DOT1L: variants seen among roughly 807,000 people sequenced by gnomAD.
DOT1L encodes the protein DOT1 like histone lysine methyltransferase.
In DOT1L, 33 loss-of-function variants were observed where a neutral mutation model predicts 153.3. The observed-to-expected ratio is 0.22, with a 90% CI of 0.16 to 0.29. The LOEUF (loss-of-function observed/expected upper bound fraction) is 0.29. Ranked by LOEUF, DOT1L falls within the 10% of genes least tolerant of loss-of-function variation. The pLI is 1.00. For missense variants in DOT1L, 1,847 were observed against 2,119.9 expected (o/e 0.87, Z 2.53); for synonymous variants, 1,135 against 965.1 (o/e 1.18, Z -3.26).
intron 3 of DOT1L, among the ~76,000 whole-genome samples, chr19:2,187,980 AG>A (rs1367742640): frequency 5.9e-4 from 89 of 150,408 alleles, no homozygotes; most frequent in African/African-American, 1.8e-3. Flanking sequence ...GCTCCTCTGG[AG>A]CTGCGGGGAA....
rs748258342 is a variant in DOT1L at position 2,214,001 on chromosome 19, G to A, written c.1797+15G>A. On this transcript the variant is annotated intron_variant, in intron 18 of 27. Transcript: ENST00000398665. ...GCTTGCAGCTGGTGGGTGCCGCGGC[G>A]CAAGGACAGGGACGTGGAACCAGAG... is the stretch of plus-strand genomic sequence containing the variant. 11 of 1,610,392 alleles carry A rather than the reference G, an allele frequency of 6.8e-6. No homozygotes were observed. The highest frequency in any genetic ancestry group is 6.7e-5 in the East Asian group (3 of 44,782).
At position 2,185,842 on chromosome 19, in the gene DOT1L, T is replaced by G; in HGVS notation, c.126-13T>G. 1 of 1,613,836 alleles carries G rather than the reference T, an allele frequency of 6.2e-7. No individual in the cohort carries two copies. Among genetic ancestry groups the G allele is most frequent in the Non-Finnish European group, 8.5e-7 (1 of 1,179,774 alleles). ...CCAAACCCTTCCTGATCGTTTCTGC[T>G]GCTGTGTTTCAGATGGGTCTGTGAA... On this transcript the variant is annotated splice_polypyrimidine_tract_variant and intron_variant, in intron 2 of 27. Transcript: ENST00000398665.
intron 17 of DOT1L, 31 bp from the exon 18 acceptor site, chr19:2,213,818 G>A (rs1322224475): frequency 1.9e-6 from 3 of 1,612,210 alleles, no homozygotes; most frequent in Non-Finnish European, 2.5e-6. Context: ...GAGGCCACCA[G>A]CATGACCTCT....
At chr19:2,200,008 C>T (rs928350083) in intron 8 of DOT1L, 69 bp downstream of exon 8, 75 of 1,579,742 alleles carry the variant, frequency 4.7e-5, no homozygotes, top group East Asian at 6.8e-5. Context: ...GCCATGGCAC[C>T]GGGGACCGGG....
chr19:2,229,093 G>A, intron 27 of DOT1L: 4 of 985,474 alleles, frequency 4.1e-6, no homozygotes, highest in Non-Finnish European at 4.8e-6. Context: ...TCAGCACCAA[G>A]CTGGGCAGGT....
chr19:2,206,668 G>A (rs1020698386), intron 9 of DOT1L, 61 bp from the exon 10 acceptor site: 19 of 1,538,888 alleles, frequency 1.2e-5, no homozygotes, highest in Admixed American at 1.2e-4. Context: ...GTCACCTTGA[G>A]TGGTGTCTGC....
rs796228728 is a variant in DOT1L, at chr19:2,222,882, CA to C, written c.3390+332del. On this transcript the variant is annotated intron_variant, in intron 24 of 27. Coordinates refer to ENST00000398665, the MANE Select transcript of DOT1L (RefSeq NM_032482.3). This position sits in a 1 kb window ranked among gnomAD's most constrained non-coding sequence, Gnocchi z 6.5. ...AGAGCGAGACTCCCTCTCGGGGGGA[CA>C]AAAAAAAACACAAAAAAAAACAGGT... 5.1e-4 allele frequency: 178 copies of C among 348,468 alleles called. No homozygotes were observed. The highest frequency in any genetic ancestry group is 1.2e-3 in the South Asian group (19 of 15,608). The allele number at this position is 348,468 out of a possible 1,614,324, so 21.6% of individuals were successfully genotyped here.
In DOT1L at chr19:2,232,233, C is replaced by A; in HGVS notation, c.*2441C>A. The A allele has an allele frequency of 4.6e-6, 1 of 219,440 alleles. No individual in the cohort carries two copies. Among genetic ancestry groups the A allele is most frequent in the Non-Finnish European group, 9.1e-6 (1 of 109,540 alleles). The allele number at this position is 219,440 out of a possible 1,614,324, so 13.6% of individuals were successfully genotyped here. A position where few individuals can be genotyped will look rare whatever the true frequency, so the allele number is the denominator to read the frequency against. On this transcript the variant is annotated 3_prime_UTR_variant, in exon 28 of 28. Transcript: ENST00000398665. ...ATAGGAACCCTAAAAACTAGGATAC[C>A]CCCTCCTCGGCCCATGAGGCACGCA...
In DOT1L at chr19:2,203,908, CAG is replaced by C. The variant is rs1438286629; in HGVS notation, c.787+1130_787+1131del. ...CCAGAGCCACTGCTGGGCTCGAAGA[CAG>C]GCGCTCTGGGGGTACCCCCTCTTCC... On this transcript the variant is annotated intron_variant, in intron 9 of 27. Coordinates refer to ENST00000398665, the MANE Select transcript of DOT1L (RefSeq NM_032482.3). Among the ~76,000 whole-genome samples the C allele has an allele frequency of 6.6e-5, 10 of 152,364 alleles. 1 individual carries two copies. In the South Asian group the frequency reaches 2.1e-3, roughly 32 times the overall value.
intron 8 of DOT1L, among the ~76,000 whole-genome samples, chr19:2,202,077 G>A (rs2023309615): frequency 6.6e-6 from 1 of 152,216 alleles, no homozygotes. Context: ...GGCCACCTGA[G>A]CTCAGCCGAC....
chr19:2,166,684 T>G (rs1478512758), intron 1 of DOT1L, among the ~76,000 whole-genome samples: 1 of 152,248 alleles, frequency 6.6e-6, no homozygotes, highest in Non-Finnish European at 1.5e-5. Flanking sequence ...GTGCCGGGAT[T>G]ACAGGGGTGA....
intron 3 of DOT1L, among the ~76,000 whole-genome samples, chr19:2,187,680 T>C (rs2022578560): frequency 6.6e-6 from 1 of 152,088 alleles, no homozygotes; most frequent in Admixed American, 6.5e-5. Flanking sequence ...CCCAGCACTT[T>C]GGGAGGCCGA....
rs866056837 is a variant in DOT1L at position 2,163,997 on chromosome 19, A to G, written c.-188A>G. The stretch of plus-strand genomic sequence containing the variant: ...CTGGAGGCCCCGGGCCTGTGACTAC[A>G]AAGAGGGAGTCGGGGGCCGGGCCGG... On this transcript the variant is annotated 5_prime_UTR_variant, in exon 1 of 28. Transcript: ENST00000398665. Among the ~76,000 whole-genome samples, 1 of 149,454 alleles carries G rather than the reference A, an allele frequency of 6.7e-6. No homozygotes were observed. The highest frequency in any genetic ancestry group is 1.5e-5 in the Non-Finnish European group (1 of 66,880).
chr19:2,218,358 G>C (rs769569203), intron 22 of DOT1L, among the ~76,000 whole-genome samples: 2 of 152,358 alleles, frequency 1.3e-5, no homozygotes, highest in Admixed American at 1.3e-4. Context: ...TGCGCTTCAA[G>C]TATATGCTTC....
Position 2,208,784 on chromosome 19 carries a change from TG to T in DOT1L, c.964-145del. On this transcript the variant is annotated intron_variant, in intron 11 of 27. Transcript: ENST00000398665. The surrounding 1 kb of genome is among the most constrained non-coding windows in gnomAD (Gnocchi z 4.4). ...GGTTAGTCACATCCGCGTTTGCCAC[TG>T]GGGGGCTCTAGCTGCATGCCTGCTG... 2 of 767,634 alleles carry T rather than the reference TG, an allele frequency of 2.6e-6. No individual in the cohort carries two copies. Among genetic ancestry groups the T allele is most frequent in the Non-Finnish European group, 4.3e-6 (2 of 466,630 alleles). The allele number at this position is 767,634 out of a possible 1,614,324, so 47.6% of individuals were successfully genotyped here.
At chr19:2,209,648 C>A (rs117022814) in intron 12 of DOT1L, among the ~76,000 whole-genome samples, 3 of 152,260 alleles carry the variant, frequency 2.0e-5, no homozygotes, top group South Asian at 4.1e-4. Flanking sequence ...TGCCCGCTGG[C>A]GCTTCTGCAG....
Position 2,217,299 on chromosome 19 carries a change from G to A in DOT1L, c.2544+209G>A, listed in dbSNP as rs1375990515. 4.6e-5 allele frequency among the ~76,000 whole-genome samples: 7 copies of A among 152,184 alleles called. No individual in the cohort carries two copies. Among genetic ancestry groups the A allele is most frequent in the Non-Finnish European group, 7.3e-5 (5 of 68,038 alleles). On this transcript the variant is annotated intron_variant, in intron 21 of 27. Transcript: ENST00000398665. This position sits in a 1 kb window ranked among gnomAD's most constrained non-coding sequence, Gnocchi z 7.3. Reference sequence around the variant, plus strand: ...TGGGCAGGTGCCATGGAGGACATGGGGTTTGTCAGGGTGTCCCTGATGCCT... The same window carrying A: ...TGGGCAGGTGCCATGGAGGACATGGAGTTTGTCAGGGTGTCCCTGATGCCT...
At chr19:2,205,110 A>G (rs1342647479) in intron 9 of DOT1L, among the ~76,000 whole-genome samples, 1 of 151,944 alleles carries the variant, frequency 6.6e-6, no homozygotes, top group Non-Finnish European at 1.5e-5. Flanking sequence ...AGCTGGGACT[A>G]CAGGCGCCCG....
rs2024561410 is a variant in DOT1L at position 2,230,660 on chromosome 19, T to G, written c.*868T>G. The stretch of plus-strand genomic sequence containing the variant: ...AATGAGTGGCAGTATTTTATAGAGA[T>G]GTGATGAGAATTTATAAATTTCATA... On this transcript the variant is annotated 3_prime_UTR_variant, in exon 28 of 28. Transcript: ENST00000398665. 2 of 398,494 alleles carry G rather than the reference T, an allele frequency of 5.0e-6. No homozygotes were observed. Among genetic ancestry groups the G allele is most frequent in the Admixed American group, 4.4e-5 (1 of 22,736 alleles). The allele number at this position is 398,494 out of a possible 1,614,324, so 24.7% of individuals were successfully genotyped here.
Sources: allele counts gnomAD v4.1 joint callset (sites outside exome capture counted in the v4.1 genomes callset), GRCh38; gene constraint gnomAD v4.1.1; non-coding constraint Gnocchi (gnomAD v3.1); transcripts MANE v1.5; gene names NCBI Gene and HGNC (gene_info 2026-07-23, HGNC 2026-07-21).